GRM3: variants seen among roughly 807,000 people sequenced by gnomAD.
GRM3 encodes glutamate metabotropic receptor 3.
In GRM3, 26 loss-of-function variants were observed where a neutral mutation model predicts 70.5. The ratio of observed to expected loss-of-function variants is 0.37; its 90% CI spans 0.27 to 0.51. GRM3 has a LOEUF of 0.51. Ranked by LOEUF, GRM3 falls within the 20% of genes least tolerant of loss-of-function variation. GRM3 has a pLI of 0.93. For missense variants in GRM3, 859 were observed against 1,123.8 expected, an observed-to-expected ratio of 0.76 and a Z score of 3.37; for synonymous variants, 443 against 434.9, an observed-to-expected ratio of 1.02 and a Z score of -0.23.
At chr7:86,834,337 T>C (rs981821426) in intron 3 of GRM3, among the ~76,000 whole-genome samples, 1 of 152,224 alleles carries the variant, frequency 6.6e-6, no homozygotes, top group Non-Finnish European at 1.5e-5. Context: ...ATTCTTTTCC[T>C]GTTGTATTTT....
At chr7:86,791,030 G>A (rs1186162003) in intron 3 of GRM3, among the ~76,000 whole-genome samples, 2 of 152,126 alleles carry the variant, frequency 1.3e-5, no homozygotes, top group Admixed American at 1.3e-4. Flanking sequence ...ACAAAAAACA[G>A]AAATCATTAT....
intron 3 of GRM3, among the ~76,000 whole-genome samples, chr7:86,833,767 G>A (rs931306155): frequency 1.2e-4 from 19 of 152,140 alleles, no homozygotes; most frequent in African/African-American, 3.4e-4. Context: ...TACAGACAGA[G>A]CAACCTAAGG....
chr7:86,811,710 C>A (rs960640684), intron 3 of GRM3, among the ~76,000 whole-genome samples: 2 of 151,634 alleles, frequency 1.3e-5, no homozygotes, highest in African/African-American at 2.4e-5. Context: ...TTTAAAGTAA[C>A]GTAACAATTT....
At chr7:86,670,825 C>G (rs1261582775) in intron 1 of GRM3, among the ~76,000 whole-genome samples, 1 of 152,102 alleles carries the variant, frequency 6.6e-6, no homozygotes, top group Non-Finnish European at 1.5e-5. Context: ...CTTCTAATTT[C>G]CTTACACATT....
At chr7:86,850,647 A>G (rs1702797163) in intron 5 of GRM3, 103 bp downstream of exon 5, 2 of 782,118 alleles carry the variant, frequency 2.6e-6, no homozygotes, top group Non-Finnish European at 4.4e-6. Context: ...AACAATCTCA[A>G]TTCGATTTTA....
chr7:86,756,412 A>G lies in GRM3; in HGVS notation c.-140-8594A>G, dbSNP rs961188832. Among the ~76,000 whole-genome samples the G allele has an allele frequency of 7.9e-5, 12 of 152,216 alleles. No homozygotes were observed. The East Asian group carries it at 2.3e-3, about 29-fold the overall frequency. On this transcript the variant is annotated intron_variant, in intron 1 of 5. Coordinates refer to ENST00000361669, the MANE Select transcript of GRM3 (RefSeq NM_000840.3). ...GCATTTCTGATTGTGTAAGTCTACT[A>G]ATTGTGAAATGTCTGTTCTAATTGC...
chr7:86,708,275 C>A (rs1795105939), intron 1 of GRM3, among the ~76,000 whole-genome samples: 1 of 152,142 alleles, frequency 6.6e-6, no homozygotes, highest in Non-Finnish European at 1.5e-5. Flanking sequence ...AGGCTCCATG[C>A]CCAGTGGTCT....
chr7:86,733,158 C>T (rs1224091620), intron 1 of GRM3, among the ~76,000 whole-genome samples: 1 of 151,668 alleles, frequency 6.6e-6, no homozygotes, highest in African/African-American at 2.4e-5. Context: ...ACTAAAAATA[C>T]TAAAAATTAG....
chr7:86,739,470 TA>T (rs1281880179), intron 1 of GRM3, among the ~76,000 whole-genome samples: 2 of 152,188 alleles, frequency 1.3e-5, no homozygotes, highest in African/African-American at 4.8e-5. Context: ...GATTGATATA[TA>T]AAAACTTGTT....
chr7:86,758,632 C>T (rs1168470095), intron 1 of GRM3, among the ~76,000 whole-genome samples: 1 of 152,066 alleles, frequency 6.6e-6, no homozygotes, highest in Non-Finnish European at 1.5e-5. Flanking sequence ...CTGAGTCACT[C>T]AACAAAGTGA....
At chr7:86,824,406 CAATA>C (rs1798189834) in intron 3 of GRM3, among the ~76,000 whole-genome samples, 1 of 152,200 alleles carries the variant, frequency 6.6e-6, no homozygotes, top group African/African-American at 2.4e-5. Flanking sequence ...ATCCCATCAT[CAATA>C]GTTTATTTGT....
At chr7:86,688,168 TAAGC>T (rs1361765690) in intron 1 of GRM3, among the ~76,000 whole-genome samples, 1 of 151,514 alleles carries the variant, frequency 6.6e-6, no homozygotes, top group African/African-American at 2.4e-5. Context: ...AAGAGAATTC[TAAGC>T]AAGTAAAAAA....
chr7:86,753,947 T>C (rs1457122267), intron 1 of GRM3, among the ~76,000 whole-genome samples: 2 of 152,108 alleles, frequency 1.3e-5, no homozygotes, highest in Non-Finnish European at 2.9e-5. Flanking sequence ...AAGAGATATG[T>C]GTAATTGGTT....
chr7:86,775,569 T>C (rs1796863905), intron 2 of GRM3, among the ~76,000 whole-genome samples: 2 of 151,278 alleles, frequency 1.3e-5, no homozygotes, highest in Non-Finnish European at 3.0e-5. Context: ...ATTTCCTTAA[T>C]AAAAAAAAAT....
chr7:86,767,620 A>G (rs1186664030), intron 2 of GRM3, among the ~76,000 whole-genome samples: 2 of 148,924 alleles, frequency 1.3e-5, no homozygotes, highest in Non-Finnish European at 3.0e-5. Flanking sequence ...TTCAATCATA[A>G]TTTCCAGATG....
At chr7:86,646,939 C>A (rs767312418) in intron 1 of GRM3, among the ~76,000 whole-genome samples, 1 of 151,986 alleles carries the variant, frequency 6.6e-6, no homozygotes, top group African/African-American at 2.4e-5. Context: ...ATGATTTAAC[C>A]CACAACTACA....
chr7:86,852,402 G>C (rs1456055098), intron 5 of GRM3, among the ~76,000 whole-genome samples: 1 of 152,106 alleles, frequency 6.6e-6, no homozygotes, highest in Non-Finnish European at 1.5e-5. Context: ...TTCCAGAAGG[G>C]ATAGCAAGGG....
intron 1 of GRM3, among the ~76,000 whole-genome samples, chr7:86,681,920 G>T (rs1345992769): frequency 6.6e-6 from 1 of 152,184 alleles, no homozygotes; most frequent in African/African-American, 2.4e-5. Context: ...TCACATCCCT[G>T]TGTTAGAAGT....
intron 1 of GRM3, among the ~76,000 whole-genome samples, chr7:86,659,570 C>CA (rs1235533795): frequency 6.6e-6 from 1 of 151,844 alleles, no homozygotes; most frequent in South Asian, 2.1e-4. Flanking sequence ...GTAAACTATG[C>CA]AAAAAACAGT....
Sources: allele counts gnomAD v4.1 joint callset (sites outside exome capture counted in the v4.1 genomes callset), GRCh38; gene constraint gnomAD v4.1.1; transcripts MANE v1.5; gene names NCBI Gene and HGNC (gene_info 2026-07-23, HGNC 2026-07-21).